The following SENP8 variants were observed in gnomAD, a reference collection of about 807,000 sequenced individuals.
SENP8 encodes sentrin-specific protease 8.
Under a neutral mutation model 14.4 loss-of-function variants are expected in SENP8, and 10 were observed. That is an observed-to-expected ratio of 0.69 (90% CI 0.43 to 1.18). The LOEUF is 1.18. SENP8 is among the 50% of genes most tolerant of loss of function. The pLI is 0.00. For missense variants in SENP8, 202 were observed against 249.4 expected (o/e 0.81, Z 1.28); for synonymous variants, 94 against 95.5 (o/e 0.98, Z 0.09).
intron 1 of SENP8, 122 bp from the exon 2 acceptor site, chr15:72,139,455 T>A (rs1567071608): frequency 2.0e-6 from 2 of 978,000 alleles, no homozygotes; most frequent in Non-Finnish European, 3.0e-6. Context: ...TCTGCACAGA[T>A]CAAACCCACC....
At chr15:72,129,897 G>T (rs976267834) in intron 1 of SENP8, among the ~76,000 whole-genome samples, 1 of 151,756 alleles carries the variant, frequency 6.6e-6, no homozygotes, top group Non-Finnish European at 1.5e-5. Context: ...CCAGTTAAAA[G>T]TTAATCTGGC....
At chr15:72,118,211 AC>A, upstream of SENP8, 2 of 336,674 alleles carry the variant, frequency 5.9e-6, no homozygotes, top group Admixed American at 5.1e-5. Flanking sequence ...CCGCCCCCGC[AC>A]GTGACGCCAC....
intron 1 of SENP8, among the ~76,000 whole-genome samples, chr15:72,122,258 C>T (rs1469243964): frequency 6.9e-6 from 1 of 145,460 alleles, no homozygotes; most frequent in Non-Finnish European, 1.5e-5. Context: ...AAAGTATGTA[C>T]TGTCTATATA....
upstream of SENP8, among the ~76,000 whole-genome samples, chr15:72,115,599 C>A (rs1367092821): frequency 6.6e-6 from 1 of 152,194 alleles, no homozygotes; most frequent in South Asian, 2.1e-4. Context: ...ATATTCCTGG[C>A]CTTTAGTCTT....
intron 1 of SENP8, among the ~76,000 whole-genome samples, chr15:72,121,693 T>G (rs754898162): frequency 2.4e-4 from 36 of 152,156 alleles, no homozygotes; most frequent in Non-Finnish European, 3.5e-4. Context: ...GCCACTGCAC[T>G]CCAGCCTGAG....
At chr15:72,125,105 T>C (rs981248893) in intron 1 of SENP8, among the ~76,000 whole-genome samples, 2 of 152,210 alleles carry the variant, frequency 1.3e-5, no homozygotes, top group African/African-American at 4.8e-5. Flanking sequence ...GAATATCTTG[T>C]TGAATTTTTG....
chr15:72,131,549 C>T (rs2081273659), intron 1 of SENP8, among the ~76,000 whole-genome samples: 1 of 152,058 alleles, frequency 6.6e-6, no homozygotes, highest in Non-Finnish European at 1.5e-5. Flanking sequence ...TAGTGTGCAT[C>T]TTAAGGATTT....
intron 1 of SENP8, among the ~76,000 whole-genome samples, chr15:72,132,925 C>G (rs1215998002): frequency 6.6e-6 from 1 of 152,184 alleles, no homozygotes; most frequent in Non-Finnish European, 1.5e-5. Flanking sequence ...AATCCCAGCA[C>G]TTTGGGAGGG....
At chr15:72,121,391 T>C (rs1188298236) in intron 1 of SENP8, among the ~76,000 whole-genome samples, 2 of 152,056 alleles carry the variant, frequency 1.3e-5, no homozygotes, top group African/African-American at 4.8e-5. Flanking sequence ...AAAGAGAAGA[T>C]AGGAATGAAG....
intron 1 of SENP8, among the ~76,000 whole-genome samples, chr15:72,120,679 A>G (rs2151321031): frequency 2.0e-5 from 3 of 152,358 alleles, no homozygotes; most frequent in Middle Eastern, 6.8e-3. Flanking sequence ...AAAATATTAA[A>G]ACAAATGTGT....
At chr15:72,117,905 C>T (rs1294573682), upstream of SENP8, 5 of 398,606 alleles carry the variant, frequency 1.3e-5, no homozygotes, top group Non-Finnish European at 2.2e-5. Context: ...AGGCACATCC[C>T]CCGCCGCACC....
At chr15:72,137,077 T>G (rs1366482943) in intron 1 of SENP8, among the ~76,000 whole-genome samples, 1 of 152,198 alleles carries the variant, frequency 6.6e-6, no homozygotes, top group Non-Finnish European at 1.5e-5. Context: ...TTTCTTTGAT[T>G]GGTTTGGAGC....
chr15:72,117,851 G>A (rs369920875), upstream of SENP8: 67 of 398,606 alleles, frequency 1.7e-4, no homozygotes, highest in East Asian at 1.4e-3. Context: ...GAGCGGCCGC[G>A]GCGCATCCCC....
chr15:72,139,894 A>C lies in SENP8; in HGVS notation c.271A>C (p.Asn91His). ...PNKRVVFLAI[N>H]DNSNQAAGGT... is the part of the protein sequence containing the mutation. ...CAAGAGAGTTGTATTTTTAGCCATC[A>C]ATGATAACTCCAACCAGGCAGCTGG... is the stretch of plus-strand genomic sequence containing the variant. Residue 91 changes from asparagine to histidine, a missense_variant, in exon 2 of 2, where the codon AAT becomes CAT. Transcript: ENST00000340912. 1 of 1,614,230 alleles carries C rather than the reference A, an allele frequency of 6.2e-7. No individual in the cohort carries two copies. Among genetic ancestry groups the C allele is most frequent in the South Asian group, 1.1e-5 (1 of 91,090 alleles).
chr15:72,119,907 A>G (rs1452996876), intron 1 of SENP8, among the ~76,000 whole-genome samples: 2 of 152,214 alleles, frequency 1.3e-5, no homozygotes, highest in Non-Finnish European at 2.9e-5. Context: ...CTCAGTGTTT[A>G]TCAGGTCCAA....
At chr15:72,135,562 T>G (rs1421440188) in intron 1 of SENP8, 1 of 152,216 alleles carries the variant, frequency 6.6e-6, no homozygotes, top group Non-Finnish European at 1.5e-5. Flanking sequence ...ATCTAAAATT[T>G]AAGTCTTCAA....
upstream of SENP8, chr15:72,117,600 C>T: frequency 5.1e-6 from 2 of 389,628 alleles, no homozygotes; most frequent in Non-Finnish European, 9.1e-6. Context: ...GGCGGGGCGG[C>T]CCGACCGGAG....
chr15:72,117,187 G>T (rs963774214), upstream of SENP8: 1 of 152,228 alleles, frequency 6.6e-6, no homozygotes, highest in Non-Finnish European at 1.5e-5. Flanking sequence ...CATGACAGCG[G>T]CTATCTGAAA....
At chr15:72,116,458 G>A (rs561640342), upstream of SENP8, among the ~76,000 whole-genome samples, 1 of 152,182 alleles carries the variant, frequency 6.6e-6, no homozygotes, top group East Asian at 1.9e-4. Context: ...TGAGAAGGCT[G>A]TTGTTGGTAA....
Sources: allele counts gnomAD v4.1 joint callset (sites outside exome capture counted in the v4.1 genomes callset), GRCh38; gene constraint gnomAD v4.1.1; transcripts MANE v1.5; gene names NCBI Gene and HGNC (gene_info 2026-07-23, HGNC 2026-07-21).